ATP1B4: variants seen among roughly 807,000 people sequenced by gnomAD.
The protein encoded by ATP1B4 is ATPase Na+/K+ transporting family member beta 4, also known as protein ATP1B4.
In ATP1B4, 32 loss-of-function variants were observed where a neutral mutation model predicts 29.6. The ratio of observed to expected loss-of-function variants is 1.08; its 90% confidence interval spans 0.82 to 1.45. The LOEUF is 1.45. ATP1B4 is among the 40% of genes most tolerant of loss of function. ATP1B4 has a pLI of 0.00. For missense variants in ATP1B4, 323 were observed against 276.2 expected, an observed-to-expected ratio of 1.17 and a Z score of -1.20; for synonymous variants, 127 against 102.1, an observed-to-expected ratio of 1.24 and a Z score of -1.47.
At chrX:120,364,406 G>T (rs947527678) in intron 1 of ATP1B4, among the ~76,000 whole-genome samples, 2 of 111,406 alleles carry the variant, frequency 1.8e-5, no homozygotes, top group Admixed American at 9.5e-5. Flanking sequence ...GAGCATTCCC[G>T]CAGAGTCCTG....
At position 120,370,817 on chromosome X, in the gene ATP1B4, C is replaced by A. The variant is rs780153272; in HGVS notation, c.431C>A (p.Thr144Asn). Residue 144 changes from threonine to asparagine, a missense_variant, in exon 3 of 8, where the codon ACC (threonine) becomes AAC (asparagine). Coordinates refer to ENST00000218008, the MANE Select transcript of ATP1B4 (RefSeq NM_001142447.3). The part of the protein sequence containing the change: ...LFLTISPYIP[T>N]FTERVKPPGV... The stretch of plus-strand genomic sequence containing the variant: ...CTGACCATCAGTCCCTATATACCAA[C>A]CTTCACGGAGCGGGTAAAGCCTCCT... 5 of 1,209,447 alleles carry A rather than the reference C, an allele frequency of 4.1e-6. No homozygotes were observed. In the South Asian group the frequency reaches 7.1e-5, roughly 17 times the overall value.
intron 4 of ATP1B4, among the ~76,000 whole-genome samples, chrX:120,374,442 C>A (rs1405277096): frequency 1.0e-5 from 1 of 99,779 alleles, no homozygotes; most frequent in Non-Finnish European, 2.0e-5. Context: ...CCAGGATATA[C>A]CATATATATA....
At position 120,382,328 on chromosome X, in the gene ATP1B4, T is replaced by G. The variant is rs776528875; in HGVS notation, c.*2694T>G. The G allele has an allele frequency of 2.7e-5, 3 of 111,974 alleles. No individual in the cohort carries two copies. Among genetic ancestry groups the G allele is most frequent in the African/African-American group, 9.7e-5 (3 of 30,828 alleles). 9.2% of individuals were successfully genotyped at this position (111,974 alleles called of 1,213,427 possible). The stretch of plus-strand genomic sequence containing the variant: ...AAAACAAACAAACATACAATGAAAC[T>G]GCCTCCTCTCAACCCATTTTCTTAA... On this transcript the variant is annotated 3_prime_UTR_variant, in exon 8 of 8. Coordinates refer to ENST00000218008, the MANE Select transcript of ATP1B4 (RefSeq NM_001142447.3).
At chrX:120,362,297 G>C (rs2058265267) in intron 1 of ATP1B4, 66 bp downstream of exon 1, 1 of 1,032,484 alleles carries the variant, frequency 9.7e-7, no homozygotes, top group Non-Finnish European at 1.4e-6. Context: ...GTGGGTTGGG[G>C]GCTGTGTAGA....
rs192369326 is a variant in ATP1B4 at position 120,367,523 on chromosome X, C to A, written c.328+734C>A. ...TCCTACAGTCTTACCCACCCTTAAA[C>A]TATTAATGCTGAGCCTTCTCCTCAG... On this transcript the variant is annotated intron_variant, in intron 2 of 7. Transcript: ENST00000218008. 4.1e-4 allele frequency among the ~76,000 whole-genome samples: 46 copies of A among 112,060 alleles called. 2 individuals are homozygous for A. The East Asian group carries it at 7.0e-3, about 17-fold the overall frequency.
intron 1 of ATP1B4, among the ~76,000 whole-genome samples, chrX:120,364,818 G>A (rs888395286): frequency 8.9e-6 from 1 of 112,070 alleles, no homozygotes; most frequent in African/African-American, 3.2e-5. Flanking sequence ...CCAGGCTCAA[G>A]TGATCCTCCT....
chrX:120,375,420 G>A lies in ATP1B4; in HGVS notation c.611G>A (p.Gly204Glu). Reference sequence around the variant, plus strand: ...GAAATGAATGTAGATTGTCCCCCGGGGCAGTACTTCATCCAAGATGGCAAT... The same window carrying A: ...GAAATGAATGTAGATTGTCCCCCGGAGCAGTACTTCATCCAAGATGGCAAT... ...QEEMNVDCPP[G>E]QYFIQDGNED... The change falls in exon 5 of 8, where the codon GGG (glycine) becomes GAG (glutamate). Residue 204 changes from glycine to glutamate, a missense_variant. Gly to Glu is a moderately conservative substitution (Grantham distance 98). Transcript: ENST00000218008. 1 of 1,210,711 alleles carries A rather than the reference G, an allele frequency of 8.3e-7. No homozygotes were observed. Among genetic ancestry groups the A allele is most frequent in the Non-Finnish European group, 1.1e-6 (1 of 895,022 alleles).
intron 1 of ATP1B4, among the ~76,000 whole-genome samples, chrX:120,365,248 A>G (rs967655671): frequency 6.2e-5 from 7 of 112,112 alleles, no homozygotes; most frequent in African/African-American, 1.6e-4. Context: ...TTCTGATGTG[A>G]TATTTTATAT....
At chrX:120,370,665 A>G in intron 2 of ATP1B4, 50 bp from the exon 3 acceptor site, 4 of 1,196,676 alleles carry the variant, frequency 3.3e-6, no homozygotes, top group Non-Finnish European at 4.5e-6. Flanking sequence ...AGCAGGGAGG[A>G]AGAGCTTGTT....
chrX:120,381,008 C>A lies in ATP1B4; in HGVS notation c.*1374C>A, dbSNP rs2058379050. 8.9e-6 allele frequency: 1 copy of A among 112,306 alleles called. No individual in the cohort carries two copies. Among genetic ancestry groups the A allele is most frequent in the Admixed American group, 9.5e-5 (1 of 10,560 alleles). 9.3% of individuals were successfully genotyped at this position (112,306 alleles called of 1,213,427 possible). On this transcript the variant is annotated 3_prime_UTR_variant, in exon 8 of 8. Coordinates refer to ENST00000218008, the MANE Select transcript of ATP1B4 (RefSeq NM_001142447.3). Reference sequence around the variant, plus strand: ...GGGTCCGAAGCAAGTTTAAATGCCACCTAGGAGGATCCAAAGTCTGAATCT... The same window carrying A: ...GGGTCCGAAGCAAGTTTAAATGCCAACTAGGAGGATCCAAAGTCTGAATCT...
chrX:120,376,760 G>A (rs1283911982), intron 6 of ATP1B4, among the ~76,000 whole-genome samples: 1 of 112,281 alleles, frequency 8.9e-6, no homozygotes, highest in African/African-American at 3.2e-5. Flanking sequence ...TTGAGATTCT[G>A]TTTACACTTT....
intron 3 of ATP1B4, 116 bp downstream of exon 3, chrX:120,370,959 T>A (rs1380568022): frequency 9.5e-7 from 1 of 1,054,335 alleles, no homozygotes; most frequent in Non-Finnish European, 1.3e-6. Context: ...AGAGATTCAA[T>A]TATTAGGAGG....
At chrX:120,378,999 G>A (rs1047761979) in intron 7 of ATP1B4, among the ~76,000 whole-genome samples, 4 of 111,313 alleles carry the variant, frequency 3.6e-5, no homozygotes, top group Non-Finnish European at 7.5e-5. Flanking sequence ...TTACGAATGG[G>A]AAAATTGGGG....
chrX:120,378,786 C>T lies in ATP1B4; in HGVS notation c.912+13C>T, dbSNP rs1291543105. 8.4e-7 allele frequency: 1 copy of T among 1,188,887 alleles called. No homozygotes were observed. Among genetic ancestry groups the T allele is most frequent in the South Asian group, 1.8e-5 (1 of 56,391 alleles). On this transcript the variant is annotated intron_variant, in intron 7 of 7. Coordinates refer to ENST00000218008, the MANE Select transcript of ATP1B4 (RefSeq NM_001142447.3). The stretch of plus-strand genomic sequence containing the variant: ...CAAACTGACTCACGTAAGCTGTATT[C>T]CCTTTAGTCATTGCTGTCAGAAAGG...
chrX:120,376,364 G>C lies in ATP1B4; in HGVS notation c.760-16G>C, dbSNP rs199602004. ...TTTTGTTAAAAAAAAATAAAACACT[G>C]GTTTTCTTTTGATAGATTGTAGGCT... On this transcript the variant is annotated splice_polypyrimidine_tract_variant and intron_variant, in intron 5 of 7. Coordinates refer to ENST00000218008, the MANE Select transcript of ATP1B4 (RefSeq NM_001142447.3). The C allele has an allele frequency of 2.5e-6, 3 of 1,203,605 alleles. No individual in the cohort carries two copies. Among genetic ancestry groups the C allele is most frequent in the Admixed American group, 2.2e-5 (1 of 45,469 alleles).
intron 6 of ATP1B4, among the ~76,000 whole-genome samples, chrX:120,376,807 A>T (rs1448908178): frequency 8.9e-6 from 1 of 112,805 alleles, no homozygotes; most frequent in Non-Finnish European, 1.9e-5. Context: ...TTTGAACTAA[A>T]CAAACAGCTT....
intron 7 of ATP1B4, 86 bp from the exon 8 acceptor site, chrX:120,379,387 G>A: frequency 1.1e-6 from 1 of 913,948 alleles, no homozygotes; most frequent in South Asian, 2.6e-5. Context: ...TTCTCTTTGT[G>A]AGGGTTGTCA....
At chrX:120,376,505 C>G (rs932737869) in intron 6 of ATP1B4, 69 bp downstream of exon 6, 3 of 939,152 alleles carry the variant, frequency 3.2e-6, no homozygotes, top group Non-Finnish European at 4.6e-6. Context: ...CCATCACTTT[C>G]AAGGACTTAC....
At chrX:120,370,355 T>A (rs934437334) in intron 2 of ATP1B4, among the ~76,000 whole-genome samples, 2 of 111,767 alleles carry the variant, frequency 1.8e-5, no homozygotes, top group African/African-American at 3.3e-5. Flanking sequence ...GGGCACCCAC[T>A]TTAATGAATA....
Sources: gnomAD v4.1 joint callset for allele counts (sites outside exome capture counted in the v4.1 genomes callset) on GRCh38, gnomAD v4.1.1 for gene constraint, MANE v1.5 for transcripts, NCBI Gene and HGNC (gene_info 2026-07-23, HGNC 2026-07-21) for gene names.